The following GABBR1 variants were observed in gnomAD, a reference collection of about 807,000 sequenced individuals.
The protein encoded by GABBR1 is gamma-aminobutyric acid type B receptor subunit 1.
GABBR1 carries 35 observed loss-of-function variants against 117.7 expected under a neutral mutation model. The observed-to-expected ratio is 0.30, with a 90% CI of 0.23 to 0.39. GABBR1 has a LOEUF of 0.39. Ranked by LOEUF, GABBR1 falls within the 10% of genes least tolerant of loss-of-function variation. The pLI, the probability that GABBR1 is intolerant of heterozygous loss-of-function variation, is 1.00. For missense variants in GABBR1, 709 were observed against 1,241.8 expected, an observed-to-expected ratio of 0.57 and a Z score of 6.45; for synonymous variants, 442 against 486.6, an observed-to-expected ratio of 0.91 and a Z score of 1.21.
At chr6:29,615,374 G>C (rs985600617) in intron 11 of GABBR1, among the ~76,000 whole-genome samples, 1 of 151,990 alleles carries the variant, frequency 6.6e-6, no homozygotes, top group Non-Finnish European at 1.5e-5. Flanking sequence ...TCTTTGGGAG[G>C]CCAAGGAGGG....
At chr6:29,628,033 G>GAGGAGC in intron 5 of GABBR1, 2 of 1,228,094 alleles carry the variant, frequency 1.6e-6, no homozygotes, top group South Asian at 3.0e-5. Context: ...AGGGGAGGAG[G>GAGGAGC]AGGAGCAGGA....
chr6:29,631,033 A>G lies in GABBR1; in HGVS notation c.289+363T>C, dbSNP rs1764907046. Among the ~76,000 whole-genome samples the G allele has an allele frequency of 6.6e-6, 1 of 152,220 alleles. No homozygotes were observed. The highest frequency in any genetic ancestry group is 1.5e-5 in the Non-Finnish European group (1 of 68,038). ...TTAAACTGGCTTTTGTTTCTTGGGCATATGGTCTCTGGGTTGGTGACAGAG... is the reference window on the plus strand; with the variant it reads ...TTAAACTGGCTTTTGTTTCTTGGGCGTATGGTCTCTGGGTTGGTGACAGAG... On this transcript the variant is annotated intron_variant, in intron 3 of 22. Coordinates refer to ENST00000377034, the MANE Select transcript of GABBR1 (RefSeq NM_001470.4). This position sits in a 1 kb window ranked among gnomAD's most constrained non-coding sequence, Gnocchi z 5.9.
intron 4 of GABBR1, among the ~76,000 whole-genome samples, chr6:29,629,555 G>C (rs1203470068): frequency 6.6e-6 from 1 of 152,170 alleles, no homozygotes; most frequent in East Asian, 1.9e-4. Flanking sequence ...GGGCCCTGTA[G>C]GTGAGGAACC....
At chr6:29,608,469 A>T in intron 16 of GABBR1, 132 bp downstream of exon 16, 1 of 916,732 alleles carries the variant, frequency 1.1e-6, no homozygotes, top group Non-Finnish European at 1.7e-6. Context: ...GGGTGATGCT[A>T]GAAGGAAAGA....
Position 29,630,327 on chromosome 6 carries a change from C to A in GABBR1, c.475+131G>T. On this transcript the variant is annotated intron_variant, in intron 4 of 22. Transcript: ENST00000377034. This position sits in a 1 kb window ranked among gnomAD's most constrained non-coding sequence, Gnocchi z 4.9. Reference sequence around the variant, plus strand: ...AGGTGATGGAGGAAAAAGGGACTTTCATCTCCCCTTTCCAGTGTCCTCCCC... The same window carrying A: ...AGGTGATGGAGGAAAAAGGGACTTTAATCTCCCCTTTCCAGTGTCCTCCCC... 1.3e-6 allele frequency: 1 copy of A among 775,082 alleles called. No individual in the cohort carries two copies. Among genetic ancestry groups the A allele is most frequent in the Non-Finnish European group, 2.0e-6 (1 of 489,112 alleles). 48.0% of individuals were successfully genotyped at this position (775,082 alleles called of 1,614,324 possible).
intron 6 of GABBR1, 145 bp from the exon 7 acceptor site, chr6:29,624,169 C>T: frequency 1.2e-6 from 1 of 820,572 alleles, no homozygotes; most frequent in Non-Finnish European, 1.8e-6. Context: ...TCCTTTCTGG[C>T]ATCTCTTCCT....
chr6:29,630,318 AG>A lies in GABBR1; in HGVS notation c.475+139del. ...GTTTGAGGCAGGTGATGGAGGAAAA[AG>A]GGACTTTCATCTCCCCTTTCCAGTG... On this transcript the variant is annotated intron_variant, in intron 4 of 22. Transcript: ENST00000377034. The surrounding 1 kb of genome is among the most constrained non-coding windows in gnomAD (Gnocchi z 4.9). 2.8e-6 allele frequency: 2 copies of A among 702,068 alleles called. No homozygotes were observed. Among genetic ancestry groups the A allele is most frequent in the Non-Finnish European group, 4.7e-6 (2 of 429,364 alleles). 43.5% of individuals were successfully genotyped at this position (702,068 alleles called of 1,614,324 possible).
rs1762764582 is a variant in GABBR1 at position 29,613,501 on chromosome 6, T to C, written c.1324-16A>G. On this transcript the variant is annotated splice_polypyrimidine_tract_variant and intron_variant, in intron 11 of 22. Transcript: ENST00000377034. The surrounding 1 kb of genome is among the most constrained non-coding windows in gnomAD (Gnocchi z 4.1). ...CCTGGGATGTCTTGGGAGGAAAAAA[T>C]CATGAGGAAAGAACTGAAATGTGTG... 6.2e-7 allele frequency: 1 copy of C among 1,609,986 alleles called. No homozygotes were observed. Among genetic ancestry groups the C allele is most frequent in the Non-Finnish European group, 8.5e-7 (1 of 1,177,842 alleles).
chr6:29,603,529 C>A lies in GABBR1; in HGVS notation c.*14G>T. On this transcript the variant is annotated 3_prime_UTR_variant, in exon 23 of 23. Transcript: ENST00000377034. The stretch of plus-strand genomic sequence containing the variant: ...TTCCCTCCCCCTACTGGCCTGTCCT[C>A]CCTCACCCTACCCTCACTTATAAAG... 6.4e-7 allele frequency: 1 copy of A among 1,550,902 alleles called. No individual in the cohort carries two copies.
Position 29,602,666 on chromosome 6 carries a change from T to G in GABBR1, c.*877A>C, listed in dbSNP as rs1761486404. 5 of 261,406 alleles carry G rather than the reference T, an allele frequency of 1.9e-5. No homozygotes were observed. The highest frequency in any genetic ancestry group is 1.3e-4 in the South Asian group (3 of 22,898). The allele number at this position is 261,406 out of a possible 1,614,324, so 16.2% of individuals were successfully genotyped here. A position where few individuals can be genotyped will look rare whatever the true frequency, so the allele number is the denominator to read the frequency against. ...GCTCTGTCAGAAGAATACCATGATT[T>G]AAGGGAAGAAAGTACACAAGGTACA... On this transcript the variant is annotated 3_prime_UTR_variant, in exon 23 of 23. Transcript: ENST00000377034.
chr6:29,612,409 T>G, intron 13 of GABBR1, 142 bp downstream of exon 13: 1 of 602,538 alleles, frequency 1.7e-6, no homozygotes, highest in Non-Finnish European at 3.0e-6. Flanking sequence ...ACAAGCTTGA[T>G]GAACAGAGTT....
Position 29,602,924 on chromosome 6 carries a change from G to A in GABBR1, c.*619C>T, listed in dbSNP as rs1249764435. 4.5e-6 allele frequency: 2 copies of A among 441,360 alleles called. No homozygotes were observed. The highest frequency in any genetic ancestry group is 9.1e-6 in the Non-Finnish European group (2 of 220,380). 27.3% of individuals were successfully genotyped at this position (441,360 alleles called of 1,614,324 possible). ...TGTGTACACATGAGCATGTTCAGTGGGCACACGCAGGAGAGGGGAGGATGC... is the reference window on the plus strand; with the variant it reads ...TGTGTACACATGAGCATGTTCAGTGAGCACACGCAGGAGAGGGGAGGATGC... On this transcript the variant is annotated 3_prime_UTR_variant, in exon 23 of 23. Transcript: ENST00000377034.
At position 29,603,298 on chromosome 6, in the gene GABBR1, G is replaced by A. The variant is rs373598520; in HGVS notation, c.*245C>T. On this transcript the variant is annotated 3_prime_UTR_variant, in exon 23 of 23. Coordinates refer to ENST00000377034, the MANE Select transcript of GABBR1 (RefSeq NM_001470.4). ...CAGTGAGCAGCTTCAAGCCAGGTAC[G>A]AACTAAATTGTGAAGAGGTGATACA... 4.4e-6 allele frequency: 3 copies of A among 681,052 alleles called. No homozygotes were observed. Among genetic ancestry groups the A allele is most frequent in the East Asian group, 2.8e-5 (1 of 35,276 alleles). The allele number at this position is 681,052 out of a possible 1,614,324, so 42.2% of individuals were successfully genotyped here. A position where few individuals can be genotyped will look rare whatever the true frequency, so the allele number is the denominator to read the frequency against.
At position 29,632,481 on chromosome 6, in the gene GABBR1, C is replaced by T. The variant is rs905928069; in HGVS notation, c.1-96G>A. On this transcript the variant is annotated intron_variant, in intron 1 of 22. Coordinates refer to ENST00000377034, the MANE Select transcript of GABBR1 (RefSeq NM_001470.4). This position sits in a 1 kb window ranked among gnomAD's most constrained non-coding sequence, Gnocchi z 5.8. ...CCTCTTGCCGGTTGCCTCGCAGGCT[C>T]CGACCGGGCTCAGCCTGGGGACCAA... The T allele has an allele frequency of 9.0e-7, 1 of 1,112,170 alleles. No homozygotes were observed. The highest frequency in any genetic ancestry group is 1.7e-5 in the African/African-American group (1 of 60,384). 68.9% of individuals were successfully genotyped at this position (1,112,170 alleles called of 1,614,324 possible).
chr6:29,615,629 G>T (rs1259637761), intron 11 of GABBR1, among the ~76,000 whole-genome samples: 1 of 123,866 alleles, frequency 8.1e-6, no homozygotes, highest in African/African-American at 2.9e-5. Flanking sequence ...AAAAAAAAAA[G>T]GCAGCCAGGC....
At chr6:29,619,650 C>T (rs1024043346) in intron 11 of GABBR1, among the ~76,000 whole-genome samples, 1 of 151,310 alleles carries the variant, frequency 6.6e-6, no homozygotes, top group Non-Finnish European at 1.5e-5. Context: ...GCCACTAGAT[C>T]CAGCCAAATC....
intron 11 of GABBR1, among the ~76,000 whole-genome samples, chr6:29,614,445 GAATA>G (rs1008901285): frequency 6.6e-6 from 1 of 152,204 alleles, no homozygotes; most frequent in Non-Finnish European, 1.5e-5. Context: ...GATGAATGAA[GAATA>G]AATAAATAAC....
At position 29,631,811 on chromosome 6, in the gene GABBR1, G is replaced by A. The variant is rs1765006145; in HGVS notation, c.86-212C>T. ...GTAAAGGGCCAGGGTTAAAGCTGATGAGAGAACCCACAAGTGGGGAGGGAA... is the reference window on the plus strand; with the variant it reads ...GTAAAGGGCCAGGGTTAAAGCTGATAAGAGAACCCACAAGTGGGGAGGGAA... On this transcript the variant is annotated intron_variant, in intron 2 of 22. Transcript: ENST00000377034. The surrounding 1 kb of genome is among the most constrained non-coding windows in gnomAD (Gnocchi z 5.9). 6.6e-6 allele frequency among the ~76,000 whole-genome samples: 1 copy of A among 152,112 alleles called. No individual in the cohort carries two copies. Among genetic ancestry groups the A allele is most frequent in the Non-Finnish European group, 1.5e-5 (1 of 68,024 alleles).
intron 11 of GABBR1, among the ~76,000 whole-genome samples, chr6:29,616,530 A>G (rs1467147378): frequency 1.3e-5 from 2 of 150,408 alleles, no homozygotes; most frequent in South Asian, 2.1e-4. Context: ...CTAAAAATAC[A>G]AAAACTTATC....
Sources: allele counts gnomAD v4.1 joint callset (sites outside exome capture counted in the v4.1 genomes callset), GRCh38; gene constraint gnomAD v4.1.1; non-coding constraint Gnocchi (gnomAD v3.1); transcripts MANE v1.5; gene names NCBI Gene and HGNC (gene_info 2026-07-23, HGNC 2026-07-21).